RARB: variants seen among roughly 807,000 people sequenced by gnomAD.
The protein encoded by RARB is retinoic acid receptor beta.
RARB carries 17 observed loss-of-function variants against 51.9 expected under a neutral mutation model. The ratio of observed to expected loss-of-function variants is 0.33; its 90% CI spans 0.22 to 0.49. The LOEUF (loss-of-function observed/expected upper bound fraction) is 0.49, where lower values mean the gene tolerates loss of function less well. Among genes scored for constraint, RARB ranks in the 20% least tolerant of loss-of-function variants. The pLI, the probability that RARB is intolerant of heterozygous loss-of-function variation, is 0.99. For synonymous variants in RARB, 215 were observed against 195.4 expected, an observed-to-expected ratio of 1.10 and a Z score of -0.84; for missense variants, 369 against 550.8, an observed-to-expected ratio of 0.67 and a Z score of 3.30.
intron 2 of RARB, among the ~76,000 whole-genome samples, chr3:24,899,719 A>G (rs1420017919): frequency 1.3e-5 from 2 of 152,220 alleles, no homozygotes; most frequent in Non-Finnish European, 2.9e-5. Flanking sequence ...AAAGTCATTT[A>G]TCCCAGATCA....
Position 25,284,053 on chromosome 3 carries a change from C to G in RARB, c.178+109478C>G, listed in dbSNP as rs1213547545. The stretch of plus-strand genomic sequence containing the variant: ...TCCTGCTGGCAATCTCTCTCCTTCC[C>G]TTCATTCCTCCCTCCTTCTCATTTT... On this transcript the variant is annotated intron_variant, in intron 5 of 11. Coordinates refer to the RARB transcript ENST00000383772. 2.6e-5 allele frequency among the ~76,000 whole-genome samples: 4 copies of G among 152,322 alleles called. No individual in the cohort carries two copies. The East Asian group carries it at 7.7e-4, about 29-fold the overall frequency.
chr3:25,208,024 G>C lies in RARB; in HGVS notation c.178+33449G>C, dbSNP rs540245570. Among the ~76,000 whole-genome samples, 37 of 151,680 alleles carry C rather than the reference G, an allele frequency of 2.4e-4. No homozygotes were observed. In the South Asian group the frequency reaches 6.9e-3, roughly 28 times the overall value. ...AAAGTGGGAGCAAGAGAGGGCAAGG[G>C]GGGGAGCAAATTGGGGGAATGCTAC... is the stretch of plus-strand genomic sequence containing the variant. On this transcript the variant is annotated intron_variant, in intron 5 of 11. Coordinates refer to the RARB transcript ENST00000383772.
At chr3:24,878,628 G>C (rs1343252840) in intron 2 of RARB, among the ~76,000 whole-genome samples, 1 of 152,006 alleles carries the variant, frequency 6.6e-6, no homozygotes, top group Non-Finnish European at 1.5e-5. Flanking sequence ...AGCATCCTTG[G>C]CCTCTACCCA....
At chr3:25,166,422 C>T (rs749992144) in intron 4 of RARB, among the ~76,000 whole-genome samples, 3 of 151,818 alleles carry the variant, frequency 2.0e-5, no homozygotes, top group Admixed American at 6.6e-5. Flanking sequence ...GTGGCATTAC[C>T]TGGAACCAAT....
chr3:25,511,787 T>C (rs1210001860), intron 3 of RARB, among the ~76,000 whole-genome samples: 1 of 152,194 alleles, frequency 6.6e-6, no homozygotes, highest in African/African-American at 2.4e-5. Flanking sequence ...CCTCACATGC[T>C]GAACTCTGTG....
chr3:25,345,873 C>T (rs1324930642), intron 5 of RARB: 1 of 909,986 alleles, frequency 1.1e-6, no homozygotes, highest in Non-Finnish European at 1.3e-6. Flanking sequence ...AAAACAACCA[C>T]CACTAAATAT....
intron 2 of RARB, among the ~76,000 whole-genome samples, chr3:24,977,334 C>G (rs1696539714): frequency 6.6e-6 from 1 of 152,132 alleles, no homozygotes; most frequent in South Asian, 2.1e-4. Context: ...AGGATTGAAT[C>G]TATAAATTAC....
At chr3:25,077,066 C>T (rs965740972) in intron 3 of RARB, among the ~76,000 whole-genome samples, 1 of 152,200 alleles carries the variant, frequency 6.6e-6, no homozygotes, top group East Asian at 1.9e-4. Flanking sequence ...AGTAGGGCAA[C>T]TATGCTTTGG....
At chr3:25,155,890 C>T (rs1700365474) in intron 4 of RARB, among the ~76,000 whole-genome samples, 1 of 152,202 alleles carries the variant, frequency 6.6e-6, no homozygotes, top group African/African-American at 2.4e-5. Flanking sequence ...TACATGATAG[C>T]TTCCCTGGTG....
In RARB at chr3:25,593,653, G is replaced by C. The variant is rs1351192025; in HGVS notation, c.937G>C (p.Glu313Gln). Residue 313 changes from glutamate (E) to glutamine (Q), a missense_variant, in exon 6 of 8, where the codon GAA becomes CAA. Coordinates refer to ENST00000330688, the MANE Select transcript of RARB (RefSeq NM_000965.5). ...CTTTGCCAACCAGCTCCTGCCTTTGGAAATGGATGACACAGAAACAGGCCT... is the reference window on the plus strand; with the variant it reads ...CTTTGCCAACCAGCTCCTGCCTTTGCAAATGGATGACACAGAAACAGGCCT... Reference protein sequence around the residue: ...FTFANQLLPLEMDDTETGLLS... With the variant: ...FTFANQLLPLQMDDTETGLLS... 2 of 1,614,094 alleles carry C rather than the reference G, an allele frequency of 1.2e-6. No individual in the cohort carries two copies. Among genetic ancestry groups the C allele is most frequent in the Middle Eastern group, 1.6e-4 (1 of 6,062 alleles).
intron 2 of RARB, among the ~76,000 whole-genome samples, chr3:24,896,380 C>A (rs1575059668): frequency 6.6e-6 from 1 of 152,156 alleles, no homozygotes; most frequent in Non-Finnish European, 1.5e-5. Context: ...CTGCTTCAGC[C>A]TCCTGAGTAG....
intron 2 of RARB, among the ~76,000 whole-genome samples, chr3:24,922,530 CAGA>C (rs1200449702): frequency 3.3e-5 from 5 of 152,130 alleles, no homozygotes; most frequent in Admixed American, 1.3e-4. Context: ...CTGAGTTTGA[CAGA>C]AGTTAAGTAT....
intron 5 of RARB, among the ~76,000 whole-genome samples, chr3:25,369,823 G>A (rs1160032477): frequency 6.6e-6 from 1 of 152,166 alleles, no homozygotes; most frequent in Non-Finnish European, 1.5e-5. Flanking sequence ...TAGGGAGGCT[G>A]AGGCAGGAGA....
chr3:25,222,996 A>G (rs1043174427), intron 5 of RARB, among the ~76,000 whole-genome samples: 10 of 152,218 alleles, frequency 6.6e-5, no homozygotes, highest in East Asian at 1.9e-4. Context: ...AAGAAGGTAG[A>G]TAGAAATAAT....
Position 24,950,584 on chromosome 3 carries a change from G to C in RARB, c.-380+91832G>C, listed in dbSNP as rs1695867987. Among the ~76,000 whole-genome samples, 3 of 152,082 alleles carry C rather than the reference G, an allele frequency of 2.0e-5. No homozygotes were observed. The South Asian group carries it at 6.2e-4, about 32-fold the overall frequency. ...ATGCACAGCTACATCTGATATTTTA[G>C]AGGTGAACATAACGGAGCCAGAGAT... On this transcript the variant is annotated intron_variant, in intron 2 of 11. Coordinates refer to the RARB transcript ENST00000383772.
intron 4 of RARB, among the ~76,000 whole-genome samples, chr3:25,164,670 C>A (rs1313095978): frequency 6.6e-6 from 1 of 152,118 alleles, no homozygotes; most frequent in Non-Finnish European, 1.5e-5. Flanking sequence ...AAATCTGCTA[C>A]TTTGGGGACC....
At chr3:25,241,945 C>T (rs564793192) in intron 5 of RARB, among the ~76,000 whole-genome samples, 2 of 152,288 alleles carry the variant, frequency 1.3e-5, no homozygotes, top group South Asian at 2.1e-4. Context: ...AAAAACTTTC[C>T]TATTTCTCCA....
At chr3:25,188,944 C>T (rs902133326) in intron 5 of RARB, among the ~76,000 whole-genome samples, 8 of 152,104 alleles carry the variant, frequency 5.3e-5, no homozygotes, top group East Asian at 3.9e-4. Context: ...GAGGCCAGTG[C>T]ATTAAAATGC....
chr3:25,580,749 G>C, intron 5 of RARB, 27 bp downstream of exon 5: 1 of 1,564,298 alleles, frequency 6.4e-7, no homozygotes, highest in Non-Finnish European at 8.7e-7. Context: ...GCTCTCAATG[G>C]GTCTGGGGAG....
Sources: allele counts gnomAD v4.1 joint callset (sites outside exome capture counted in the v4.1 genomes callset), GRCh38; gene constraint gnomAD v4.1.1; transcripts MANE v1.5; gene names NCBI Gene and HGNC (gene_info 2026-07-23, HGNC 2026-07-21).